TSPAN13: variants seen among roughly 807,000 people sequenced by gnomAD.
The protein encoded by TSPAN13 is tetraspanin-13.
In TSPAN13, 18 loss-of-function variants were observed where a neutral mutation model predicts 26.9. The observed-to-expected ratio is 0.67, with a 90% CI of 0.46 to 0.99. TSPAN13 has a LOEUF of 0.99. Ranked by LOEUF, TSPAN13 falls within the 50% of genes least tolerant of loss-of-function variation. The pLI, the probability that TSPAN13 is intolerant of heterozygous loss-of-function variation, is 0.00. For synonymous variants in TSPAN13, 116 were observed against 98.4 expected (o/e 1.18, Z -1.06); for missense variants, 201 against 249.6 (o/e 0.81, Z 1.31).
intron 1 of TSPAN13, among the ~76,000 whole-genome samples, chr7:16,759,303 ACTT>A (rs1475849588): frequency 6.6e-6 from 1 of 152,180 alleles, no homozygotes; most frequent in Non-Finnish European, 1.5e-5. Context: ...GCTGGCATCT[ACTT>A]CTGGTGAGGG....
Position 16,765,839 on chromosome 7 carries a change from A to G in TSPAN13, c.64-10372A>G, listed in dbSNP as rs572783620. Among the ~76,000 whole-genome samples, 6 of 152,318 alleles carry G rather than the reference A, an allele frequency of 3.9e-5. No individual in the cohort carries two copies. In the South Asian group the frequency reaches 1.2e-3, roughly 32 times the overall value. On this transcript the variant is annotated intron_variant, in intron 1 of 5. Coordinates refer to ENST00000262067, the MANE Select transcript of TSPAN13 (RefSeq NM_014399.4). Reference sequence around the variant, plus strand: ...AACTGTTATTATAATAGAACAAAAGATTCTTTGGAGTTCCTTTGTCTAGCA... The same window carrying G: ...AACTGTTATTATAATAGAACAAAAGGTTCTTTGGAGTTCCTTTGTCTAGCA...
chr7:16,758,385 T>C (rs1445702641), intron 1 of TSPAN13, among the ~76,000 whole-genome samples: 9 of 152,190 alleles, frequency 5.9e-5, no homozygotes, highest in Non-Finnish European at 1.2e-4. Flanking sequence ...AAATTGGTGA[T>C]GATATTTTTC....
intron 5 of TSPAN13, among the ~76,000 whole-genome samples, chr7:16,781,731 T>C (rs922518666): frequency 5.3e-5 from 8 of 152,196 alleles, no homozygotes; most frequent in Non-Finnish European, 8.8e-5. Context: ...AGTCAAAATG[T>C]TAACATCCTC....
At chr7:16,755,196 TG>T (rs1041341891) in intron 1 of TSPAN13, among the ~76,000 whole-genome samples, 9 of 152,194 alleles carry the variant, frequency 5.9e-5, no homozygotes, top group African/African-American at 2.2e-4. Flanking sequence ...AGGCCATCTG[TG>T]CAAGCTTAGA....
At position 16,782,818 on chromosome 7, in the gene TSPAN13, T is replaced by C. The variant is rs150667849; in HGVS notation, c.541-599T>C. ...ACTTTGTATTAGTTTTCCATATTTC[T>C]GCTGTAACAGGTTACCACACACATA... On this transcript the variant is annotated intron_variant, in intron 5 of 5. Transcript: ENST00000262067. Among the ~76,000 whole-genome samples, 817 of 152,358 alleles carry C rather than the reference T, an allele frequency of 5.4e-3. 6 individuals are homozygous for C. Among genetic ancestry groups the C allele is most frequent in the African/African-American group, 0.019 (784 of 41,588 alleles).
chr7:16,780,256 C>T (rs1050494492), intron 5 of TSPAN13, among the ~76,000 whole-genome samples: 1 of 151,932 alleles, frequency 6.6e-6, no homozygotes, highest in Non-Finnish European at 1.5e-5. Context: ...TGCACCACTA[C>T]ACCCAGCTAA....
intron 1 of TSPAN13, among the ~76,000 whole-genome samples, chr7:16,768,409 C>G (rs182295881): frequency 6.6e-6 from 1 of 152,330 alleles, no homozygotes; most frequent in Non-Finnish European, 1.5e-5. Flanking sequence ...TCCTTACTGT[C>G]TAACCTTGGG....
At chr7:16,780,252 A>G (rs1246134761) in intron 5 of TSPAN13, among the ~76,000 whole-genome samples, 2 of 151,890 alleles carry the variant, frequency 1.3e-5, no homozygotes, top group African/African-American at 4.8e-5. Context: ...GGCATGCACC[A>G]CTACACCCAG....
Position 16,776,246 on chromosome 7 carries a change from G to A in TSPAN13, c.99G>A (p.Trp33Ter). The part of the protein sequence containing the change: ...VSLLLIGIAA[W>*]GIGFGLISSL... Reference sequence around the variant, plus strand: ...TGCTGCTAATTGGAATTGCTGCGTGGGGCATTGGCTTCGGGCTGATTTCCA... The same window carrying A: ...TGCTGCTAATTGGAATTGCTGCGTGAGGCATTGGCTTCGGGCTGATTTCCA... Residue 33 changes from tryptophan to a stop codon, truncating the protein, a stop_gained, in exon 2 of 6, where the codon TGG becomes TGA. Transcript: ENST00000262067. LOFTEE classifies it high-confidence loss of function. The A allele has an allele frequency of 6.2e-7, 1 of 1,614,006 alleles. No homozygotes were observed. Among genetic ancestry groups the A allele is most frequent in the Non-Finnish European group, 8.5e-7 (1 of 1,180,006 alleles).
In TSPAN13 at chr7:16,777,104, C is replaced by T. The variant is rs770356910; in HGVS notation, c.294C>T (p.Ala98=). ...VQFSVSCACL[A]LNQEQQGQLL... ...TTTCTGTATCTTGCGCTTGTTTAGC[C>T]CTGAACCAGGAGCAACAGGTAAGCT... Residue 98 remains alanine (A), a synonymous_variant, in exon 3 of 6, where the codon GCC becomes GCT. Coordinates refer to ENST00000262067, the MANE Select transcript of TSPAN13 (RefSeq NM_014399.4). 6.8e-6 allele frequency: 11 copies of T among 1,612,964 alleles called. No homozygotes were observed. The highest frequency in any genetic ancestry group is 9.3e-6 in the Non-Finnish European group (11 of 1,179,380).
At chr7:16,782,867 A>T (rs903708423) in intron 5 of TSPAN13, among the ~76,000 whole-genome samples, 1 of 152,172 alleles carries the variant, frequency 6.6e-6, no homozygotes, top group Non-Finnish European at 1.5e-5. Flanking sequence ...ACACAAACTT[A>T]TTGTCTTACA....
chr7:16,754,886 A>G (rs1784465063), intron 1 of TSPAN13, among the ~76,000 whole-genome samples: 1 of 152,166 alleles, frequency 6.6e-6, no homozygotes, highest in Non-Finnish European at 1.5e-5. Context: ...TACATACACA[A>G]TGCTCGTTCA....
intron 1 of TSPAN13, among the ~76,000 whole-genome samples, chr7:16,773,022 A>G (rs1038223496): frequency 6.6e-6 from 1 of 152,018 alleles, no homozygotes; most frequent in Non-Finnish European, 1.5e-5. Context: ...ATAAAAAATA[A>G]ATAAATAATA....
intron 1 of TSPAN13, among the ~76,000 whole-genome samples, chr7:16,759,370 T>TGGGGAGAGTGAG (rs1211763606): frequency 9.9e-5 from 15 of 152,070 alleles, no homozygotes; most frequent in Non-Finnish European, 2.1e-4. Context: ...CTGTGTCACA[T>TGGGGAGAGTGAG]GGGGAGAGTG....
intron 5 of TSPAN13, among the ~76,000 whole-genome samples, chr7:16,781,772 A>G (rs1784816156): frequency 6.6e-6 from 1 of 152,212 alleles, no homozygotes; most frequent in Non-Finnish European, 1.5e-5. Flanking sequence ...CCCTGTGCTG[A>G]AAATTTCCAA....
rs1463958288 is a variant in TSPAN13 at position 16,753,805 on chromosome 7, C to A, written c.-163C>A. On this transcript the variant is annotated 5_prime_UTR_variant, in exon 1 of 6. Transcript: ENST00000262067. The stretch of plus-strand genomic sequence containing the variant: ...TTCCAAAGCGGGTCCGAGCCGCCGC[C>A]GCGCGCGCGCCGCGCACTGCAGCCC... 5.1e-6 allele frequency: 3 copies of A among 584,818 alleles called. No individual in the cohort carries two copies. The highest frequency in any genetic ancestry group is 4.3e-5 in the Admixed American group (1 of 23,464). 36.2% of individuals were successfully genotyped at this position (584,818 alleles called of 1,614,324 possible).
At chr7:16,762,194 T>C (rs2115324088) in intron 1 of TSPAN13, among the ~76,000 whole-genome samples, 1 of 152,322 alleles carries the variant, frequency 6.6e-6, no homozygotes, top group South Asian at 2.1e-4. Context: ...GGAACATCAT[T>C]AGGCTGACTT....
chr7:16,757,905 C>G (rs1784498696), intron 1 of TSPAN13, among the ~76,000 whole-genome samples: 1 of 152,138 alleles, frequency 6.6e-6, no homozygotes, highest in African/African-American at 2.4e-5. Flanking sequence ...GCGATCTTGG[C>G]TCACTGCAAC....
At chr7:16,759,556 A>G (rs1487813393) in intron 1 of TSPAN13, among the ~76,000 whole-genome samples, 1 of 152,204 alleles carries the variant, frequency 6.6e-6, no homozygotes, top group African/African-American at 2.4e-5. Context: ...TGAGATTTGG[A>G]GGAGGCAAAT....
Sources: gnomAD v4.1 joint callset for allele counts (sites outside exome capture counted in the v4.1 genomes callset) on GRCh38, gnomAD v4.1.1 for gene constraint, MANE v1.5 for transcripts, NCBI Gene and HGNC (gene_info 2026-07-23, HGNC 2026-07-21) for gene names.